The following BNC2 variants were observed in gnomAD, a reference collection of about 807,000 sequenced individuals.
BNC2 encodes basonuclin zinc finger protein 2.
BNC2 carries 20 observed loss-of-function variants against 76.3 expected under a neutral mutation model. That is an observed-to-expected ratio of 0.26 (90% CI 0.18 to 0.38). The LOEUF (loss-of-function observed/expected upper bound fraction) is 0.38. BNC2 is among the 10% of genes least tolerant of loss of function. The probability of loss-of-function intolerance (pLI) is 1.00; values close to 1 mark genes in which losing one functional copy is unlikely to be tolerated. For missense variants in BNC2, 1,382 were observed against 1,399.8 expected (o/e 0.99, Z 0.20); for synonymous variants, 582 against 514.8 (o/e 1.13, Z -1.77).
chr9:16,725,166 T>C (rs1824272613), intron 3 of BNC2, among the ~76,000 whole-genome samples: 1 of 152,042 alleles, frequency 6.6e-6, no homozygotes, highest in Admixed American at 6.6e-5. Flanking sequence ...CTCGTTTAAA[T>C]GGCTGGCTTC....
At chr9:16,768,405 T>TA (rs1384651546) in intron 1 of BNC2, among the ~76,000 whole-genome samples, 1 of 152,112 alleles carries the variant, frequency 6.6e-6, no homozygotes, top group Non-Finnish European at 1.5e-5. Context: ...ACGGGAGTGT[T>TA]ACAAGAAACT....
chr9:16,702,109 A>G (rs1337024485), intron 3 of BNC2, among the ~76,000 whole-genome samples: 1 of 152,160 alleles, frequency 6.6e-6, no homozygotes, highest in Non-Finnish European at 1.5e-5. Context: ...GGCATTCTGC[A>G]AGATTCTAAA....
At chr9:16,511,709 G>A (rs987825580) in intron 5 of BNC2, among the ~76,000 whole-genome samples, 1 of 152,042 alleles carries the variant, frequency 6.6e-6, no homozygotes, top group African/African-American at 2.4e-5. Context: ...GATTACAGGC[G>A]TGAGACACAC....
intron 3 of BNC2, among the ~76,000 whole-genome samples, chr9:16,642,381 A>G (rs929133913): frequency 6.6e-6 from 1 of 152,216 alleles, no homozygotes; most frequent in African/African-American, 2.4e-5. Flanking sequence ...AGGTGGCACT[A>G]GCATTGCTAC....
chr9:16,707,804 G>A (rs1371711916), intron 3 of BNC2, among the ~76,000 whole-genome samples: 1 of 152,032 alleles, frequency 6.6e-6, no homozygotes, highest in East Asian at 1.9e-4. Flanking sequence ...ACCACACCCG[G>A]CTAATTTTTA....
chr9:16,524,280 A>G (rs1817722743), intron 5 of BNC2, among the ~76,000 whole-genome samples: 1 of 152,348 alleles, frequency 6.6e-6, no homozygotes, highest in Admixed American at 6.5e-5. Flanking sequence ...ACTAGTAGAC[A>G]CCAGATTTAA....
intron 3 of BNC2, among the ~76,000 whole-genome samples, chr9:16,652,249 T>C (rs1304187533): frequency 6.6e-6 from 1 of 152,172 alleles, no homozygotes; most frequent in Non-Finnish European, 1.5e-5. Flanking sequence ...ATAATAGCAC[T>C]TTTATTAGAA....
At chr9:16,672,272 C>T (rs1426583356) in intron 3 of BNC2, among the ~76,000 whole-genome samples, 2 of 152,076 alleles carry the variant, frequency 1.3e-5, no homozygotes, top group Non-Finnish European at 2.9e-5. Context: ...CCGAGGCGGG[C>T]GGATCACGAG....
intron 5 of BNC2, among the ~76,000 whole-genome samples, chr9:16,499,683 C>A (rs753778782): frequency 6.6e-6 from 1 of 151,788 alleles, no homozygotes; most frequent in Admixed American, 6.6e-5. Flanking sequence ...GCGCCTGCCA[C>A]CCTGTCTGGC....
chr9:16,779,130 A>AAAAAAAGAAAAG (rs556932807), intron 1 of BNC2, among the ~76,000 whole-genome samples: 13 of 87,636 alleles, frequency 1.5e-4, no homozygotes, highest in Admixed American at 4.5e-4. Context: ...AAAAAAAAAA[A>AAAAAAAGAAAAG]AAAAGAAAAG....
intron 3 of BNC2, among the ~76,000 whole-genome samples, chr9:16,657,025 C>T (rs1219949134): frequency 6.6e-6 from 1 of 152,054 alleles, no homozygotes; most frequent in South Asian, 2.1e-4. Context: ...TATAGTGGGG[C>T]AAGGGTAGAC....
intron 3 of BNC2, among the ~76,000 whole-genome samples, chr9:16,639,481 C>T (rs747142671): frequency 7.9e-5 from 12 of 152,110 alleles, no homozygotes; most frequent in Admixed American, 1.3e-4. Context: ...CTGTTGAATG[C>T]TACCACTATA....
chr9:16,870,516 G>A (rs1306436275), intron 1 of BNC2, 130 bp downstream of exon 1: 4 of 987,482 alleles, frequency 4.1e-6, no homozygotes, highest in Non-Finnish European at 4.4e-6. Flanking sequence ...CCTCCTCAGC[G>A]CCCCTTGCCC....
At chr9:16,758,390 A>C (rs2135356192) in intron 1 of BNC2, among the ~76,000 whole-genome samples, 1 of 151,928 alleles carries the variant, frequency 6.6e-6, no homozygotes, top group Admixed American at 6.6e-5. Context: ...CCCAGGCTGG[A>C]GTGCAGTGGT....
chr9:16,525,290 G>GAAAAGC (rs1226030313), intron 5 of BNC2, among the ~76,000 whole-genome samples: 2 of 151,800 alleles, frequency 1.3e-5, no homozygotes, highest in Non-Finnish European at 2.9e-5. Context: ...AAAAACAAAT[G>GAAAAGC]AAAAGCAAAA....
At chr9:16,552,923 G>C (rs996685469) in intron 4 of BNC2, among the ~76,000 whole-genome samples, 158 bp from the exon 5 acceptor site, 2 of 152,104 alleles carry the variant, frequency 1.3e-5, no homozygotes, top group Admixed American at 6.5e-5. Flanking sequence ...AAAGAAAATA[G>C]TTCTCTGACA....
At chr9:16,441,184 G>C (rs944097638) in intron 5 of BNC2, among the ~76,000 whole-genome samples, 2 of 152,170 alleles carry the variant, frequency 1.3e-5, no homozygotes, top group African/African-American at 4.8e-5. Context: ...CGTGCCTATA[G>C]TCCTAGCTAC....
rs1272151525 is a variant in BNC2 at position 16,411,145 on chromosome 9, C to T, written c.*7844G>A. ...GGGCCAGATGAATGGAGCTCTCTCA[C>T]ACACCCAGGGTCTCCCCAGAGTCAC... On this transcript the variant is annotated 3_prime_UTR_variant, in exon 7 of 7. Transcript: ENST00000380672. The T allele has an allele frequency of 6.6e-6, 1 of 152,532 alleles. No individual in the cohort carries two copies. The highest frequency in any genetic ancestry group is 1.5e-5 in the Non-Finnish European group (1 of 68,068). The allele number at this position is 152,532 out of a possible 1,614,324, so 9.4% of individuals were successfully genotyped here.
intron 5 of BNC2, among the ~76,000 whole-genome samples, chr9:16,448,898 C>T (rs569204634): frequency 1.4e-4 from 21 of 152,278 alleles, no homozygotes; most frequent in African/African-American, 4.8e-4. Context: ...CACACATACA[C>T]ATGTGTGTAT....
Sources: allele counts gnomAD v4.1 joint callset (sites outside exome capture counted in the v4.1 genomes callset), GRCh38; gene constraint gnomAD v4.1.1; transcripts MANE v1.5; gene names NCBI Gene and HGNC (gene_info 2026-07-23, HGNC 2026-07-21).